TANC2: variants seen among roughly 807,000 people sequenced by gnomAD.
TANC2 encodes protein TANC2.
A neutral mutation model predicts 210.5 loss-of-function variants in TANC2; 26 were observed. The observed-to-expected ratio is 0.12, with a 90% CI of 0.09 to 0.17. TANC2 has a LOEUF of 0.17. TANC2 is among the 10% of genes least tolerant of loss of function. TANC2 has a pLI of 1.00. For missense variants in TANC2, 2,129 were observed against 2,608.9 expected (o/e 0.82, Z 4.01); for synonymous variants, 931 against 967.1 (o/e 0.96, Z 0.69).
intron 3 of TANC2, among the ~76,000 whole-genome samples, chr17:63,083,780 T>C (rs542910050): frequency 1.3e-5 from 2 of 152,302 alleles, no homozygotes; most frequent in African/African-American, 4.8e-5. Flanking sequence ...CCTGTTCATG[T>C]GATTGATTTT....
chr17:63,372,251 C>G (rs920192611), intron 14 of TANC2, among the ~76,000 whole-genome samples: 5 of 152,196 alleles, frequency 3.3e-5, no homozygotes, highest in East Asian at 3.8e-4. Context: ...TTACCCTCCC[C>G]TCTGCCTGAA....
At chr17:63,233,136 C>T (rs2042524721) in intron 7 of TANC2, among the ~76,000 whole-genome samples, 1 of 152,194 alleles carries the variant, frequency 6.6e-6, no homozygotes, top group African/African-American at 2.4e-5. Flanking sequence ...ACTGGAGCTG[C>T]AGTGATGGCT....
At chr17:63,180,603 A>G (rs1469690407) in intron 5 of TANC2, among the ~76,000 whole-genome samples, 2 of 152,192 alleles carry the variant, frequency 1.3e-5, no homozygotes, top group Non-Finnish European at 2.9e-5. Context: ...CCTCAATGCA[A>G]CCAGAAGAAC....
At chr17:63,227,912 G>T (rs560834217) in intron 7 of TANC2, among the ~76,000 whole-genome samples, 5 of 151,706 alleles carry the variant, frequency 3.3e-5, no homozygotes, top group Admixed American at 1.3e-4. Flanking sequence ...CACCCAGGCC[G>T]GAGTGCAGTG....
rs995182117 is a variant in TANC2 at position 63,104,884 on chromosome 17, T to G, written c.322+5527T>G. ...TCAAATTTGTTTAAAGTCTCTGTAC[T>G]TCAATTCCCTTATTTCTAAACTAGG... On this transcript the variant is annotated intron_variant, in intron 4 of 27. Transcript: ENST00000689528. Among the ~76,000 whole-genome samples, 18 of 151,200 alleles carry G rather than the reference T, an allele frequency of 1.2e-4. 1 individual carries two copies. The highest frequency in any genetic ancestry group is 4.2e-4 in the African/African-American group (17 of 40,490).
rs535277902 is a variant in TANC2, at chr17:62,984,918, G to T, written c.-24+18169G>T. ...TTCCATGTGCTGTTGAAAAGAATGTGTATTCTGCAGGTGTTGGGTGAAACA... is the reference window on the plus strand; with the variant it reads ...TTCCATGTGCTGTTGAAAAGAATGTTTATTCTGCAGGTGTTGGGTGAAACA... On this transcript the variant is annotated intron_variant, in intron 1 of 27. Transcript: ENST00000689528. 9.2e-5 allele frequency among the ~76,000 whole-genome samples: 14 copies of T among 152,280 alleles called. 1 individual carries two copies. In the South Asian group the frequency reaches 2.7e-3, roughly 29 times the overall value.
chr17:63,277,799 A>C (rs2043930168), intron 9 of TANC2, among the ~76,000 whole-genome samples: 1 of 105,006 alleles, frequency 9.5e-6, no homozygotes, highest in Non-Finnish European at 2.4e-5. Context: ...TTAATTCAGC[A>C]AAAAAAAAAA....
chr17:63,041,718 A>C (rs2035195008), intron 2 of TANC2, among the ~76,000 whole-genome samples: 1 of 152,192 alleles, frequency 6.6e-6, no homozygotes, highest in Non-Finnish European at 1.5e-5. Flanking sequence ...TAACTGATAG[A>C]CTGGGTTAAT....
In TANC2 at chr17:63,422,055, T is replaced by C. The variant is rs558799154; in HGVS notation, c.*100T>C. On this transcript the variant is annotated 3_prime_UTR_variant, in exon 28 of 28. Coordinates refer to ENST00000689528, the Ensembl canonical transcript of TANC2. Reference sequence around the variant, plus strand: ...TTCTCTGGCTTAATTTCTCATGTAGTTTCTGTGTGGTGTTCAGAGGTGGCA... The same window carrying C: ...TTCTCTGGCTTAATTTCTCATGTAGCTTCTGTGTGGTGTTCAGAGGTGGCA... 4.9e-6 allele frequency: 7 copies of C among 1,438,366 alleles called. No homozygotes were observed. The South Asian group carries it at 8.5e-5, about 17-fold the overall frequency. The allele number at this position is 1,438,366 out of a possible 1,614,324, so 89.1% of individuals were successfully genotyped here.
intron 4 of TANC2, among the ~76,000 whole-genome samples, chr17:63,127,155 G>A (rs890329982): frequency 6.6e-6 from 1 of 152,108 alleles, no homozygotes; most frequent in Admixed American, 6.5e-5. Context: ...GTTCAATAAG[G>A]AATTCTTCTT....
At chr17:63,163,367 C>CAACA in intron 5 of TANC2, among the ~76,000 whole-genome samples, 1 of 152,112 alleles carries the variant, frequency 6.6e-6, no homozygotes, top group African/African-American at 2.4e-5. Context: ...GCCAGAAGAT[C>CAACA]ATCTGTGTGA....
chr17:63,187,747 G>A (rs1321853285), intron 5 of TANC2, among the ~76,000 whole-genome samples: 3 of 151,516 alleles, frequency 2.0e-5, no homozygotes, highest in African/African-American at 7.3e-5. Context: ...AATGATAAAG[G>A]AAAAACTATT....
chr17:63,274,176 A>G (rs1344357529), intron 9 of TANC2, among the ~76,000 whole-genome samples: 1 of 151,990 alleles, frequency 6.6e-6, no homozygotes, highest in Non-Finnish European at 1.5e-5. Flanking sequence ...TCCAAGTGGG[A>G]TATTAACATC....
intron 14 of TANC2, among the ~76,000 whole-genome samples, chr17:63,378,429 TTAAACAGAACAG>T (rs1567967543): frequency 6.6e-6 from 1 of 152,080 alleles, no homozygotes; most frequent in Non-Finnish European, 1.5e-5. Context: ...TTCAAATAGA[TTAAACAGAACAG>T]AAATCTATTA....
At chr17:63,426,520 G>A (rs1472480217) in exon 28 of TANC2, 1 of 152,218 alleles carries the variant, frequency 6.6e-6, no homozygotes, top group African/African-American at 2.4e-5. Context: ...CTTCATTTCG[G>A]TGTCCAAAGC....
intron 4 of TANC2, among the ~76,000 whole-genome samples, chr17:63,138,995 G>A (rs1222814487): frequency 6.6e-6 from 1 of 152,144 alleles, no homozygotes; most frequent in South Asian, 2.1e-4. Context: ...GGAATTGAAG[G>A]CTATTAAAAG....
chr17:63,116,616 A>T (rs2038261167), intron 4 of TANC2, among the ~76,000 whole-genome samples: 1 of 152,240 alleles, frequency 6.6e-6, no homozygotes, highest in African/African-American at 2.4e-5. Context: ...GAAGGAATAC[A>T]GGTGATAGTA....
Position 63,193,986 on chromosome 17 carries a change from T to TA in TANC2, c.434-4dup, listed in dbSNP as rs1250343879. On this transcript the variant is annotated splice_region_variant and splice_polypyrimidine_tract_variant and intron_variant, in intron 5 of 27. Coordinates refer to ENST00000689528, the Ensembl canonical transcript of TANC2. ...TTCATGTTCTTCAATGCCTTCTTGT[T>TA]ACAGGTGATGCTGAACAGGAGCTTG... is the stretch of plus-strand genomic sequence containing the variant. The TA allele has an allele frequency of 6.2e-7, 1 of 1,611,146 alleles. No individual in the cohort carries two copies. The highest frequency in any genetic ancestry group is 8.5e-7 in the Non-Finnish European group (1 of 1,178,726).
intron 2 of TANC2, among the ~76,000 whole-genome samples, chr17:63,053,366 A>G (rs1284922153): frequency 5.3e-5 from 8 of 152,204 alleles, no homozygotes; most frequent in South Asian, 2.1e-4. Flanking sequence ...GCAGTGATCA[A>G]TTCTCAATCT....
Sources: allele counts gnomAD v4.1 joint callset (sites outside exome capture counted in the v4.1 genomes callset), GRCh38; gene constraint gnomAD v4.1.1; transcripts MANE v1.5; gene names NCBI Gene and HGNC (gene_info 2026-07-23, HGNC 2026-07-21).